Variants in HMGXB4 observed in about 807,000 individuals in gnomAD.
HMGXB4 encodes the protein HMG-box containing 4.
Under a neutral mutation model 63.9 loss-of-function variants are expected in HMGXB4, and 27 were observed. The ratio of observed to expected loss-of-function variants is 0.42; its 90% CI spans 0.31 to 0.58. The LOEUF is 0.58. HMGXB4 is among the 20% of genes least tolerant of loss of function. HMGXB4 has a pLI of 0.13. For missense variants in HMGXB4, 624 were observed against 700.7 expected, an observed-to-expected ratio of 0.89 and a Z score of 1.24; for synonymous variants, 264 against 265.3, an observed-to-expected ratio of 0.99 and a Z score of 0.05.
At chr22:35,241,995 C>T in the HMGXB4 span, among the ~76,000 whole-genome samples, 30 of 152,200 alleles carry the variant, frequency 2.0e-4, no homozygotes, top group Non-Finnish European at 3.4e-4. Flanking sequence ...CCTATATTCA[C>T]AAGGGATATT....
rs201866773 is a variant in HMGXB4 at position 35,288,224 on chromosome 22, T to G, written c.1469-14T>G. On this transcript the variant is annotated splice_polypyrimidine_tract_variant and intron_variant, in intron 8 of 10. Coordinates refer to ENST00000216106, the MANE Select transcript of HMGXB4 (RefSeq NM_001003681.3). ...GGCAAGTTTTACCTGTCTGCCTCAT[T>G]GCTCTGTTCTCAGCCTCTTCTGTAG... is the stretch of plus-strand genomic sequence containing the variant. The G allele has an allele frequency of 4.8e-6, 7 of 1,457,698 alleles. No homozygotes were observed. Among genetic ancestry groups the G allele is most frequent in the Non-Finnish European group, 6.4e-6 (7 of 1,096,494 alleles). 90.3% of individuals were successfully genotyped at this position (1,457,698 alleles called of 1,614,324 possible). A position where few individuals can be genotyped will look rare whatever the true frequency, so the allele number is the denominator to read the frequency against.
In HMGXB4 at chr22:35,280,948, A is replaced by G. The variant is rs894094487; in HGVS notation, c.1216-3014A>G. 3.9e-5 allele frequency among the ~76,000 whole-genome samples: 6 copies of G among 152,238 alleles called. No individual in the cohort carries two copies. In the East Asian group the frequency reaches 9.6e-4, roughly 24 times the overall value. On this transcript the variant is annotated intron_variant, in intron 5 of 10. Transcript: ENST00000216106. The stretch of plus-strand genomic sequence containing the variant: ...TCCCATAGCACCCAATGCTTTCCCT[A>G]TAATAGCACTGTGTTTTATTAGAAT...
At position 35,294,821 on chromosome 22, in the gene HMGXB4, GTTTCCTTCCCTC is replaced by G. The variant is rs1475877232; in HGVS notation, c.*1180_*1191del. On this transcript the variant is annotated 3_prime_UTR_variant, in exon 11 of 11. Coordinates refer to ENST00000216106, the MANE Select transcript of HMGXB4 (RefSeq NM_001003681.3). Reference sequence around the variant, plus strand: ...CCCTTCTTTCCTTCCTTCCTTCCCTGTTTCCTTCCCTCTTTCCTTCCTTCCTCCTGGTCTGTT... The same window carrying G: ...CCCTTCTTTCCTTCCTTCCTTCCCTGTTTCCTTCCTTCCTCCTGGTCTGTT... The G allele has an allele frequency of 1.3e-5, 2 of 151,296 alleles. No individual in the cohort carries two copies. Among genetic ancestry groups the G allele is most frequent in the African/African-American group, 2.4e-5 (1 of 41,114 alleles). 9.4% of individuals were successfully genotyped at this position (151,296 alleles called of 1,614,324 possible). A position where few individuals can be genotyped will look rare whatever the true frequency, so the allele number is the denominator to read the frequency against.
At chr22:35,274,121 G>A (rs183361291) in intron 5 of HMGXB4, among the ~76,000 whole-genome samples, 6 of 152,244 alleles carry the variant, frequency 3.9e-5, no homozygotes, top group African/African-American at 4.8e-5. Flanking sequence ...GACTTGGTGT[G>A]TTGAACTTCA....
At chr22:35,263,254 A>T (rs367894563) in intron 3 of HMGXB4, 28 bp downstream of exon 3, 10 of 1,556,768 alleles carry the variant, frequency 6.4e-6, no homozygotes, top group African/African-American at 1.4e-5. Flanking sequence ...AAATTAGGAA[A>T]GTCTTAAACT....
intron 7 of HMGXB4, among the ~76,000 whole-genome samples, chr22:35,286,445 TA>T (rs1282957984): frequency 6.6e-6 from 1 of 152,090 alleles, no homozygotes; most frequent in African/African-American, 2.4e-5. Flanking sequence ...CTGCAAACAA[TA>T]AAAATATGAG....
chr22:35,294,973 TAA>T lies in HMGXB4; in HGVS notation c.*1325_*1326del, dbSNP rs1382995028. The T allele has an allele frequency of 6.6e-6, 1 of 152,194 alleles. No individual in the cohort carries two copies. The highest frequency in any genetic ancestry group is 2.4e-5 in the African/African-American group (1 of 41,444). The allele number at this position is 152,194 out of a possible 1,614,324, so 9.4% of individuals were successfully genotyped here. A position where few individuals can be genotyped will look rare whatever the true frequency, so the allele number is the denominator to read the frequency against. ...ATGGGCTTCAATAATGTCTAGAAAG[TAA>T]AATAAAGAGGAATGTTACCATCCCC... On this transcript the variant is annotated 3_prime_UTR_variant, in exon 11 of 11. Transcript: ENST00000216106.
intron 5 of HMGXB4, among the ~76,000 whole-genome samples, chr22:35,283,570 G>T (rs939883690): frequency 6.6e-6 from 1 of 152,040 alleles, no homozygotes; most frequent in Non-Finnish European, 1.5e-5. Context: ...TGGGCAGATC[G>T]CCTGAGGTCA....
chr22:35,280,798 T>G (rs944092768), intron 5 of HMGXB4, among the ~76,000 whole-genome samples: 10 of 152,192 alleles, frequency 6.6e-5, no homozygotes, highest in Non-Finnish European at 1.5e-4. Flanking sequence ...TTCCTCTGCC[T>G]AGAACACTCT....
chr22:35,245,029 C>T, the HMGXB4 span, among the ~76,000 whole-genome samples: 2 of 152,092 alleles, frequency 1.3e-5, no homozygotes, highest in South Asian at 2.1e-4. Flanking sequence ...CCCGCCACCA[C>T]GCCCGGCTAA....
intron 5 of HMGXB4, among the ~76,000 whole-genome samples, chr22:35,276,901 TCAC>T (rs1380875358): frequency 6.6e-6 from 1 of 152,250 alleles, no homozygotes; most frequent in Admixed American, 6.5e-5. Flanking sequence ...CTATCCTCCT[TCAC>T]CACAATTTTT....
intron 7 of HMGXB4, among the ~76,000 whole-genome samples, chr22:35,286,416 G>A (rs1924579078): frequency 6.6e-6 from 1 of 152,224 alleles, no homozygotes; most frequent in African/African-American, 2.4e-5. Flanking sequence ...ACTGAGGAAA[G>A]TTATCCACTT....
rs991281232 is a variant in HMGXB4 at position 35,295,658 on chromosome 22, T to G, written c.*2007T>G. 6 of 152,662 alleles carry G rather than the reference T, an allele frequency of 3.9e-5. No individual in the cohort carries two copies. The highest frequency in any genetic ancestry group is 6.5e-5 in the Admixed American group (1 of 15,282). 9.5% of individuals were successfully genotyped at this position (152,662 alleles called of 1,614,324 possible). On this transcript the variant is annotated 3_prime_UTR_variant, in exon 11 of 11. Transcript: ENST00000216106. ...TTTGGTACTATTAGAGGAAAAACTT[T>G]GGATTCAGACCTTCTTGCAGTTTTT...
chr22:35,244,175 G>A, the HMGXB4 span, among the ~76,000 whole-genome samples: 1 of 151,920 alleles, frequency 6.6e-6, no homozygotes, highest in Non-Finnish European at 1.5e-5. Context: ...CTCTCTCTAG[G>A]ACTCATGATA....
intron 5 of HMGXB4, among the ~76,000 whole-genome samples, chr22:35,283,501 T>G (rs1156594683): frequency 6.6e-6 from 1 of 152,198 alleles, no homozygotes; most frequent in Non-Finnish European, 1.5e-5. Flanking sequence ...TAAAAATGTA[T>G]TTTCCTGGCC....
upstream of HMGXB4, among the ~76,000 whole-genome samples, chr22:35,256,460 T>G (rs1311523998): frequency 1.3e-5 from 2 of 152,190 alleles, no homozygotes; most frequent in Non-Finnish European, 2.9e-5. Flanking sequence ...GGAAGCCCAT[T>G]GTACTACTGA....
At chr22:35,268,262 C>G (rs1210157444) in intron 5 of HMGXB4, among the ~76,000 whole-genome samples, 1 of 152,182 alleles carries the variant, frequency 6.6e-6, no homozygotes, top group African/African-American at 2.4e-5. Context: ...GAGCCAACAA[C>G]TGTTCTGATT....
intron 5 of HMGXB4, among the ~76,000 whole-genome samples, chr22:35,279,339 G>A (rs945961341): frequency 1.3e-5 from 2 of 151,582 alleles, no homozygotes; most frequent in Admixed American, 6.6e-5. Flanking sequence ...GTAGAGACAG[G>A]GTTTCTCCAT....
intron 5 of HMGXB4, among the ~76,000 whole-genome samples, chr22:35,267,589 G>A (rs1031896156): frequency 2.0e-5 from 3 of 151,942 alleles, no homozygotes; most frequent in African/African-American, 7.3e-5. Flanking sequence ...AATGCCTTGG[G>A]TACCTCAAAC....
Sources: allele counts gnomAD v4.1 joint callset (sites outside exome capture counted in the v4.1 genomes callset), GRCh38; gene constraint gnomAD v4.1.1; transcripts MANE v1.5; gene names NCBI Gene and HGNC (gene_info 2026-07-23, HGNC 2026-07-21).